NOC2L: variants seen among roughly 807,000 people sequenced by gnomAD.
The protein encoded by NOC2L is NOC2 like nucleolar associated transcriptional repressor.
A neutral mutation model predicts 94.2 loss-of-function variants in NOC2L; 101 were observed. The ratio of observed to expected loss-of-function variants is 1.07; its 90% confidence interval spans 0.91 to 1.26. The LOEUF is 1.26. Among genes scored for constraint, NOC2L ranks in the 50% most tolerant of loss-of-function variants. NOC2L has a pLI of 0.00. For missense variants in NOC2L, 1,076 were observed against 980.1 expected (o/e 1.10, Z -1.31); for synonymous variants, 531 against 413.4 (o/e 1.28, Z -3.45).
At chr1:951,316 C>A in intron 11 of NOC2L, 78 bp from the exon 12 acceptor site, 1 of 1,100,802 alleles carries the variant, frequency 9.1e-7, no homozygotes, top group South Asian at 1.3e-5. Context: ...CTTGGACCTC[C>A]TCCCCCACTC....
intron 4 of NOC2L, among the ~76,000 whole-genome samples, chr1:956,525 G>A (rs1252853138): frequency 6.6e-6 from 1 of 152,088 alleles, no homozygotes; most frequent in Non-Finnish European, 1.5e-5. Context: ...CACTGTGAGA[G>A]GCTCAGAAGG....
intron 14 of NOC2L, 25 bp downstream of exon 14, chr1:948,106 G>T: frequency 6.5e-7 from 1 of 1,543,868 alleles, no homozygotes; most frequent in Non-Finnish European, 8.8e-7. Context: ...AGTCGGCCAC[G>T]AGCCGGTGTG....
Position 945,062 on chromosome 1 carries a change from G to A in NOC2L, c.2138C>T (p.Ser713Leu), listed in dbSNP as rs751734936. ...CTCACCCCAAGACCATTCACCCTCC[G>A]AGTTGCTGCTGTCCTCCTCGCCCTC... ...EEEGEEDSSN[S>L]EDGDPDAEAG... Residue 713 changes from serine (S) to leucine (L), a missense_variant, in exon 18 of 19, where the codon TCG (serine) becomes TTG (leucine). Physicochemically the swap from Ser to Leu is moderately radical, Grantham distance 145. Coordinates refer to ENST00000327044, the MANE Select transcript of NOC2L (RefSeq NM_015658.4). The A allele has an allele frequency of 1.9e-5, 31 of 1,613,934 alleles. No homozygotes were observed. In the Middle Eastern group the frequency reaches 1.3e-3, roughly 68 times the overall value.
chr1:950,975 C>T, intron 12 of NOC2L, 152 bp downstream of exon 12: 1 of 666,542 alleles, frequency 1.5e-6, no homozygotes, highest in South Asian at 1.7e-5. Flanking sequence ...GCCCCCAGCA[C>T]ACGGAGGAGC....
rs747662296 is a variant in NOC2L at position 953,907 on chromosome 1, G to T, written c.778-15C>A. 3.7e-6 allele frequency: 6 copies of T among 1,611,622 alleles called. No homozygotes were observed. The highest frequency in any genetic ancestry group is 5.1e-6 in the Non-Finnish European group (6 of 1,178,606). Reference sequence around the variant, plus strand: ...CAGGACACCAGCTGGGGGCAGGAGGGGACAGTGAAGCCCCAAACCCATGTA... The same window carrying T: ...CAGGACACCAGCTGGGGGCAGGAGGTGACAGTGAAGCCCCAAACCCATGTA... On this transcript the variant is annotated splice_polypyrimidine_tract_variant and intron_variant, in intron 7 of 18. Transcript: ENST00000327044.
intron 15 of NOC2L, 33 bp downstream of exon 15, chr1:946,369 C>G (rs368910945): frequency 6.2e-7 from 1 of 1,613,250 alleles, no homozygotes; most frequent in Non-Finnish European, 8.5e-7. Context: ...TGGCAGGTGC[C>G]CTCAGGTGGC....
chr1:956,433 G>A (rs1642402931), intron 4 of NOC2L, among the ~76,000 whole-genome samples: 1 of 152,140 alleles, frequency 6.6e-6, no homozygotes, highest in South Asian at 2.1e-4. Context: ...CCCAGGAAAA[G>A]GACTGGGAGT....
intron 6 of NOC2L, among the ~76,000 whole-genome samples, chr1:955,682 C>G (rs1642381963): frequency 6.6e-6 from 1 of 152,240 alleles, no homozygotes; most frequent in Admixed American, 6.5e-5. Flanking sequence ...GCCACACCTT[C>G]TGAGACTCTG....
chr1:955,919 T>G lies in NOC2L; in HGVS notation c.698+4A>C. 2 of 1,389,802 alleles carry G rather than the reference T, an allele frequency of 1.4e-6. No individual in the cohort carries two copies. Among genetic ancestry groups the G allele is most frequent in the South Asian group, 1.1e-5 (1 of 87,026 alleles). The allele number at this position is 1,389,802 out of a possible 1,614,324, so 86.1% of individuals were successfully genotyped here. On this transcript the variant is annotated splice_donor_region_variant and intron_variant, in intron 6 of 18. Transcript: ENST00000327044. ...CTACCCCCCTTCACCCCCTCCCCTCTTACCTGCTGCTATCCTTTGCCACCT... is the reference window on the plus strand; with the variant it reads ...CTACCCCCCTTCACCCCCTCCCCTCGTACCTGCTGCTATCCTTTGCCACCT...
intron 16 of NOC2L, among the ~76,000 whole-genome samples, chr1:945,966 G>A (rs1317184067): frequency 6.6e-6 from 1 of 152,220 alleles, no homozygotes; most frequent in Non-Finnish European, 1.5e-5. Flanking sequence ...CCCCAACCTA[G>A]TGCAGCCTGG....
At chr1:945,470 G>C in intron 17 of NOC2L, 48 bp downstream of exon 17, 1 of 1,606,770 alleles carries the variant, frequency 6.2e-7, no homozygotes, top group Non-Finnish European at 8.5e-7. Flanking sequence ...AAGTCCAGCA[G>C]AGCCCTCCAG....
chr1:953,169 CACT>C lies in NOC2L; in HGVS notation c.1002+3_1002+5del, dbSNP rs755516988. The C allele has an allele frequency of 3.1e-6, 5 of 1,600,558 alleles. No individual in the cohort carries two copies. In the African/African-American group the frequency reaches 5.4e-5, roughly 17 times the overall value. On this transcript the variant is annotated splice_donor_5th_base_variant and intron_variant, in intron 9 of 18. Transcript: ENST00000327044. ...TGAGGGACACAGACGCAGGGCCCACCACTACCTTGAGGACGGGGCCAAGGAAAG... is the reference window on the plus strand; with the variant it reads ...TGAGGGACACAGACGCAGGGCCCACCACCTTGAGGACGGGGCCAAGGAAAG...
chr1:954,101 C>T lies in NOC2L; in HGVS notation c.699-19G>A, dbSNP rs773193866. ...CAGCATCCTGCAGAGAGACCACCCACCCCTGGCTGGGAGGCCCCACGGCTC... is the reference window on the plus strand; with the variant it reads ...CAGCATCCTGCAGAGAGACCACCCATCCCTGGCTGGGAGGCCCCACGGCTC... On this transcript the variant is annotated intron_variant, in intron 6 of 18. Transcript: ENST00000327044. 6.2e-7 allele frequency: 1 copy of T among 1,609,712 alleles called. No homozygotes were observed. The highest frequency in any genetic ancestry group is 8.5e-7 in the Non-Finnish European group (1 of 1,177,754).
intron 2 of NOC2L, chr1:957,477 C>T (rs1377731075): frequency 7.0e-5 from 41 of 585,290 alleles, no homozygotes; most frequent in East Asian, 2.9e-5. Context: ...GCCCCCCAGC[C>T]GCGGTCTTCC....
intron 12 of NOC2L, among the ~76,000 whole-genome samples, chr1:950,921 C>T (rs895633185): frequency 1.3e-5 from 2 of 152,208 alleles, no homozygotes; most frequent in Admixed American, 6.5e-5. Context: ...ACAGCCCTAG[C>T]AGCAGCCGCC....
intron 2 of NOC2L, chr1:958,673 G>A (rs1448255229): frequency 7.4e-6 from 5 of 677,388 alleles, no homozygotes; most frequent in South Asian, 3.0e-5. Flanking sequence ...TTTCACCCAA[G>A]AACGTGAGAG....
At chr1:950,432 G>T (rs182740910) in intron 12 of NOC2L, among the ~76,000 whole-genome samples, 3,012 of 151,034 alleles carry the variant, frequency 0.02, 58 homozygotes, top group Non-Finnish European at 0.033. Context: ...CACACATGCA[G>T]ACAGGTGCAC....
Position 955,977 on chromosome 1 carries a change from A to G in NOC2L, c.644T>C (p.Leu215Pro). The G allele has an allele frequency of 6.2e-7, 1 of 1,613,564 alleles. No homozygotes were observed. Among genetic ancestry groups the G allele is most frequent in the Non-Finnish European group, 8.5e-7 (1 of 1,179,922 alleles). The part of the protein sequence containing the change: ...NALVTFCIRD[L>P]IGCLQKLLFG... ...CAGCAGCTTCTGGAGACAGCCAATG[A>G]GGTCTCTGATGCAGAAGGTAACCAG... The change falls in exon 6 of 19, where the codon CTC (leucine) becomes CCC (proline). Residue 215 changes from leucine (L) to proline (P), a missense_variant. Physicochemically the swap from Leu to Pro is moderately conservative, Grantham distance 98. This residue lies in a region of NOC2L where 457 missense variants were observed against 386.0 expected (regional missense o/e 1.18). Coordinates refer to ENST00000327044, the MANE Select transcript of NOC2L (RefSeq NM_015658.4).
chr1:953,114 C>T, intron 9 of NOC2L, 61 bp downstream of exon 9: 1 of 1,273,236 alleles, frequency 7.9e-7, no homozygotes, highest in Non-Finnish European at 1.1e-6. Flanking sequence ...GCCCGCCCTG[C>T]CCTTAGGCCG....
Sources: allele counts gnomAD v4.1 joint callset (sites outside exome capture counted in the v4.1 genomes callset), GRCh38; gene constraint gnomAD v4.1.1; regional missense constraint gnomAD v4.1.1; transcripts MANE v1.5; gene names NCBI Gene and HGNC (gene_info 2026-07-23, HGNC 2026-07-21).